GPC6: variants seen among roughly 807,000 people sequenced by gnomAD.
GPC6 encodes the protein glypican-6.
GPC6 carries 14 observed loss-of-function variants against 55.2 expected under a neutral mutation model. The ratio of observed to expected loss-of-function variants is 0.25; its 90% CI spans 0.17 to 0.40. The LOEUF is 0.40. Among genes scored for constraint, GPC6 ranks in the 10% least tolerant of loss-of-function variants. The pLI, the probability that GPC6 is intolerant of heterozygous loss-of-function variation, is 1.00. For synonymous variants in GPC6, 278 were observed against 259.6 expected (o/e 1.07, Z -0.68); for missense variants, 641 against 708.5 (o/e 0.90, Z 1.08).
intron 1 of GPC6, among the ~76,000 whole-genome samples, chr13:93,488,602 C>A (rs1190924262): frequency 1.3e-5 from 2 of 152,142 alleles, no homozygotes; most frequent in African/African-American, 4.8e-5. Context: ...TAAGAGTGTT[C>A]CTATTTCTCC....
intron 3 of GPC6, among the ~76,000 whole-genome samples, chr13:94,007,496 G>A (rs1211969899): frequency 5.3e-5 from 8 of 152,212 alleles, no homozygotes; most frequent in Admixed American, 3.9e-4. Context: ...ACCATGGACA[G>A]CATCTGGATG....
intron 2 of GPC6, among the ~76,000 whole-genome samples, chr13:93,638,421 AAT>A (rs1207905738): frequency 1.4e-4 from 22 of 152,062 alleles, no homozygotes; most frequent in Non-Finnish European, 2.9e-4. Context: ...AAAATTTATC[AAT>A]ATGAGTTTGT....
At chr13:94,326,730 C>T (rs1191760322) in intron 6 of GPC6, among the ~76,000 whole-genome samples, 2 of 152,196 alleles carry the variant, frequency 1.3e-5, no homozygotes, top group Admixed American at 1.3e-4. Context: ...GCAGTGAAAA[C>T]ACAGAAAATG....
intron 2 of GPC6, among the ~76,000 whole-genome samples, chr13:93,780,502 C>T (rs1007494675): frequency 4.6e-5 from 7 of 151,902 alleles, no homozygotes; most frequent in Non-Finnish European, 1.0e-4. Context: ...AACTGGTACA[C>T]AGCATTCTTC....
At chr13:93,519,582 T>C (rs1431867759) in intron 1 of GPC6, among the ~76,000 whole-genome samples, 1 of 152,000 alleles carries the variant, frequency 6.6e-6, no homozygotes, top group East Asian at 1.9e-4. Flanking sequence ...TCTGATGTGA[T>C]TATGACAGTT....
At chr13:94,280,868 T>C (rs571698606) in intron 4 of GPC6, among the ~76,000 whole-genome samples, 1 of 152,198 alleles carries the variant, frequency 6.6e-6, no homozygotes, top group East Asian at 1.9e-4. Context: ...TTTCAAAGAG[T>C]TGATCATTAA....
At chr13:93,788,989 A>G (rs1885903065) in intron 2 of GPC6, among the ~76,000 whole-genome samples, 1 of 152,132 alleles carries the variant, frequency 6.6e-6, no homozygotes, top group Non-Finnish European at 1.5e-5. Flanking sequence ...CAAGATAGAG[A>G]GAAGTATTGA....
intron 6 of GPC6, among the ~76,000 whole-genome samples, chr13:94,366,420 T>G (rs932473375): frequency 6.6e-6 from 1 of 152,182 alleles, no homozygotes; most frequent in Non-Finnish European, 1.5e-5. Context: ...GGGGGAAATT[T>G]GCCTTTCAAA....
At chr13:94,070,231 G>C (rs959829605) in intron 4 of GPC6, among the ~76,000 whole-genome samples, 1 of 151,922 alleles carries the variant, frequency 6.6e-6, no homozygotes, top group African/African-American at 2.4e-5. Context: ...ATCAAGTCTT[G>C]TGAGACTTAT....
intron 3 of GPC6, among the ~76,000 whole-genome samples, chr13:93,968,673 C>T (rs1025551975): frequency 6.6e-6 from 1 of 152,070 alleles, no homozygotes; most frequent in Non-Finnish European, 1.5e-5. Flanking sequence ...AAATTAAAAA[C>T]CTTTATAGGT....
At chr13:94,349,579 C>T (rs1878439718) in intron 6 of GPC6, among the ~76,000 whole-genome samples, 1 of 152,210 alleles carries the variant, frequency 6.6e-6, no homozygotes, top group African/African-American at 2.4e-5. Flanking sequence ...CCCATCCTCA[C>T]ACACTATCCC....
At chr13:93,494,125 T>A (rs1270890194) in intron 1 of GPC6, among the ~76,000 whole-genome samples, 1 of 113,074 alleles carries the variant, frequency 8.8e-6, no homozygotes, top group Non-Finnish European at 1.8e-5. Flanking sequence ...CAGTGGGGTG[T>A]TAAAGTCTCC....
chr13:93,892,997 G>A (rs1457816929), intron 3 of GPC6, among the ~76,000 whole-genome samples: 1 of 151,598 alleles, frequency 6.6e-6, no homozygotes, highest in African/African-American at 2.4e-5. Flanking sequence ...AATGCATATT[G>A]TCGTGTTGTC....
Position 93,458,846 on chromosome 13 carries a change from C to T in GPC6, c.161-86417C>T, listed in dbSNP as rs191258827. On this transcript the variant is annotated intron_variant, in intron 1 of 8. Coordinates refer to ENST00000377047, the MANE Select transcript of GPC6 (RefSeq NM_005708.5). ...AAAAATATATGCCATCCACTCACAG[C>T]GGAGTTGTTGCACAGGGCGCATGAT... Among the ~76,000 whole-genome samples, 6 of 152,168 alleles carry T rather than the reference C, an allele frequency of 3.9e-5. No individual in the cohort carries two copies. The South Asian group carries it at 8.3e-4, about 21-fold the overall frequency.
At chr13:93,295,613 T>A (rs1014377523) in intron 1 of GPC6, among the ~76,000 whole-genome samples, 3 of 152,016 alleles carry the variant, frequency 2.0e-5, no homozygotes, top group African/African-American at 7.2e-5. Flanking sequence ...CCCAAGTAGC[T>A]GGGACTATAG....
chr13:93,666,417 G>A (rs1881139146), intron 2 of GPC6, among the ~76,000 whole-genome samples: 1 of 151,782 alleles, frequency 6.6e-6, no homozygotes, highest in Non-Finnish European at 1.5e-5. Flanking sequence ...TTGAAATCTG[G>A]CTGGAAAAAT....
At chr13:93,787,349 A>G (rs900467523) in intron 2 of GPC6, among the ~76,000 whole-genome samples, 5 of 152,200 alleles carry the variant, frequency 3.3e-5, no homozygotes, top group African/African-American at 1.2e-4. Flanking sequence ...TCTGCCATTA[A>G]AGCATGAAAG....
chr13:93,617,293 T>C (rs1420586630), intron 2 of GPC6, among the ~76,000 whole-genome samples: 1 of 152,148 alleles, frequency 6.6e-6, no homozygotes, highest in East Asian at 1.9e-4. Context: ...TCCAGTTTCT[T>C]TATTTAGTTG....
chr13:93,230,149 G>C lies in GPC6; in HGVS notation c.160+2533G>C, dbSNP rs142812921. On this transcript the variant is annotated intron_variant, in intron 1 of 8. Transcript: ENST00000377047. ...TCTGCCAGGGCACATAAATTTAAAAGAATTGCTGTTCAGACTTCAGATTCA... is the reference window on the plus strand; with the variant it reads ...TCTGCCAGGGCACATAAATTTAAAACAATTGCTGTTCAGACTTCAGATTCA... Among the ~76,000 whole-genome samples the C allele has an allele frequency of 3.6e-3, 554 of 152,260 alleles. 6 individuals are homozygous for C. The highest frequency in any genetic ancestry group is 0.013 in the African/African-American group (520 of 41,562).
Sources: allele counts gnomAD v4.1 joint callset (sites outside exome capture counted in the v4.1 genomes callset), GRCh38; gene constraint gnomAD v4.1.1; transcripts MANE v1.5; gene names NCBI Gene and HGNC (gene_info 2026-07-23, HGNC 2026-07-21).